Variants in AMOTL1 observed in about 807,000 individuals in gnomAD.
The protein encoded by AMOTL1 is angiomotin-like protein 1.
In AMOTL1, 45 loss-of-function variants were observed where a neutral mutation model predicts 102.9. The ratio of observed to expected loss-of-function variants is 0.44; its 90% CI spans 0.34 to 0.56. AMOTL1 has a LOEUF of 0.56. Ranked by LOEUF, AMOTL1 falls within the 20% of genes least tolerant of loss-of-function variation. AMOTL1 has a pLI of 0.01. For synonymous variants in AMOTL1, 481 were observed against 484.7 expected (o/e 0.99, Z 0.10); for missense variants, 1,114 against 1,225.6 (o/e 0.91, Z 1.36).
chr11:94,720,238 A>C (rs2135442239), intron 1 of AMOTL1, among the ~76,000 whole-genome samples: 1 of 152,226 alleles, frequency 6.6e-6, no homozygotes, highest in South Asian at 2.1e-4. Context: ...TGTGGAAGGC[A>C]ATTGTGTTGA....
At chr11:94,725,544 G>C (rs1310126925) in intron 1 of AMOTL1, among the ~76,000 whole-genome samples, 3 of 152,122 alleles carry the variant, frequency 2.0e-5, no homozygotes, top group Admixed American at 1.3e-4. Flanking sequence ...ACTCTCAAGT[G>C]CATAACTATG....
intron 1 of AMOTL1, among the ~76,000 whole-genome samples, chr11:94,776,308 C>T (rs1951025095): frequency 6.6e-6 from 1 of 152,226 alleles, no homozygotes; most frequent in Non-Finnish European, 1.5e-5. Context: ...TTAGGTCCTG[C>T]AGTTGACCTC....
rs963690673 is a variant in AMOTL1, at chr11:94,876,174, G to A, written c.*5379G>A. Reference sequence around the variant, plus strand: ...CACCTGTAAGTATTTATTACAAAACGGAATGTAAGCAAATATATCCACATT... The same window carrying A: ...CACCTGTAAGTATTTATTACAAAACAGAATGTAAGCAAATATATCCACATT... On this transcript the variant is annotated 3_prime_UTR_variant, in exon 13 of 13. Coordinates refer to ENST00000433060, the MANE Select transcript of AMOTL1 (RefSeq NM_130847.3). The A allele has an allele frequency of 4.6e-5, 7 of 152,614 alleles. No individual in the cohort carries two copies. Among genetic ancestry groups the A allele is most frequent in the African/African-American group, 7.2e-5 (3 of 41,430 alleles). The allele number at this position is 152,614 out of a possible 1,614,324, so 9.5% of individuals were successfully genotyped here.
Position 94,830,120 on chromosome 11 carries a change from C to T in AMOTL1, c.1484C>T (p.Ser495Leu), listed in dbSNP as rs1254016891. 5.6e-6 allele frequency: 9 copies of T among 1,610,658 alleles called. No homozygotes were observed. The highest frequency in any genetic ancestry group is 2.2e-5 in the East Asian group (1 of 44,834). ...GTCAAGTCTACCACCAAGCGAGAAT[C>T]GCTGGACAAGGCCATGAGAAACAAA... ...SLVKSTTKRE[S>L]LDKAMRNKLE... The change falls in exon 5 of 13, where the codon TCG becomes TTG. Residue 495 changes from serine (S) to leucine (L), a missense_variant. By Grantham distance (145) the Ser-to-Leu change is moderately radical. Coordinates refer to ENST00000433060, the MANE Select transcript of AMOTL1 (RefSeq NM_130847.3).
chr11:94,711,937 T>A (rs781739307), intron 1 of AMOTL1, among the ~76,000 whole-genome samples: 5 of 152,128 alleles, frequency 3.3e-5, no homozygotes, highest in Admixed American at 1.3e-4. Flanking sequence ...AACATAAATT[T>A]TCATTTATTT....
chr11:94,855,525 A>C (rs1370179939), intron 8 of AMOTL1, among the ~76,000 whole-genome samples: 4 of 152,200 alleles, frequency 2.6e-5, no homozygotes, highest in African/African-American at 9.7e-5. Flanking sequence ...ACTGGCCCAC[A>C]GTAGACACTG....
chr11:94,738,562 T>C (rs1000376979), intron 2 of AMOTL1, among the ~76,000 whole-genome samples: 3 of 152,174 alleles, frequency 2.0e-5, no homozygotes, highest in Non-Finnish European at 4.4e-5. Context: ...CCAGCCAATT[T>C]TGTGCTTCTT....
chr11:94,876,314 A>T lies in AMOTL1; in HGVS notation c.*5519A>T, dbSNP rs1172636160. Reference sequence around the variant, plus strand: ...AGAATTGTGTAAAATTCTGTGAAACAGTGGTAAGCATGGGCACCCGATTTC... The same window carrying T: ...AGAATTGTGTAAAATTCTGTGAAACTGTGGTAAGCATGGGCACCCGATTTC... On this transcript the variant is annotated 3_prime_UTR_variant, in exon 13 of 13. Coordinates refer to ENST00000433060, the MANE Select transcript of AMOTL1 (RefSeq NM_130847.3). The T allele has an allele frequency of 6.6e-6, 1 of 152,594 alleles. No homozygotes were observed. The highest frequency in any genetic ancestry group is 1.5e-5 in the Non-Finnish European group (1 of 68,028). 9.5% of individuals were successfully genotyped at this position (152,594 alleles called of 1,614,324 possible).
At chr11:94,751,786 ACACACACACACACACGTGCACACACG>A in intron 3 of AMOTL1, among the ~76,000 whole-genome samples, 1 of 151,588 alleles carries the variant, frequency 6.6e-6, no homozygotes, top group South Asian at 2.1e-4. Flanking sequence ...CAGCACACAC[ACACACACACACACACGTGCACACACG>A]CACACACACA....
chr11:94,799,186 G>A lies in AMOTL1; in HGVS notation c.200-204G>A, dbSNP rs1204822598. 6.6e-6 allele frequency among the ~76,000 whole-genome samples: 1 copy of A among 152,124 alleles called. No homozygotes were observed. The highest frequency in any genetic ancestry group is 1.5e-5 in the Non-Finnish European group (1 of 68,014). ...ACAATGTTTAAGAGGAAGCAGAGGA[G>A]AGGGAGTGCAGAATAGTAGACTCGC... On this transcript the variant is annotated intron_variant, in intron 2 of 12. Transcript: ENST00000433060. This position sits in a 1 kb window ranked among gnomAD's most constrained non-coding sequence, Gnocchi z 4.5.
chr11:94,769,465 C>A (rs955203986), intron 1 of AMOTL1, among the ~76,000 whole-genome samples: 2 of 152,196 alleles, frequency 1.3e-5, no homozygotes, highest in Non-Finnish European at 2.9e-5. Flanking sequence ...GCGACGTGTC[C>A]AAGTTTCCCC....
chr11:94,864,915 T>G lies in AMOTL1; in HGVS notation c.2261+55T>G, dbSNP rs2135737052. 1.9e-6 allele frequency: 3 copies of G among 1,570,984 alleles called. No homozygotes were observed. In the Admixed American group the frequency reaches 5.2e-5, roughly 27 times the overall value. ...GCCCGCTGCATTCACACTCCAGGCCTTCCAGAACAGATTGCTTCTCTGTCC... is the reference window on the plus strand; with the variant it reads ...GCCCGCTGCATTCACACTCCAGGCCGTCCAGAACAGATTGCTTCTCTGTCC... On this transcript the variant is annotated intron_variant, in intron 10 of 12. Coordinates refer to ENST00000433060, the MANE Select transcript of AMOTL1 (RefSeq NM_130847.3).
At chr11:94,795,395 T>C (rs1951349182) in intron 2 of AMOTL1, among the ~76,000 whole-genome samples, 1 of 152,228 alleles carries the variant, frequency 6.6e-6, no homozygotes, top group Non-Finnish European at 1.5e-5. Flanking sequence ...TACCTAAACA[T>C]GTAGGAACTT....
chr11:94,746,782 G>C (rs899531686), intron 3 of AMOTL1, among the ~76,000 whole-genome samples: 1 of 146,296 alleles, frequency 6.8e-6, no homozygotes, highest in Non-Finnish European at 1.5e-5. Context: ...TGTTTGCTTG[G>C]GTTTAATCAC....
At chr11:94,756,054 C>A (rs111654716) in intron 3 of AMOTL1, among the ~76,000 whole-genome samples, 1 of 151,926 alleles carries the variant, frequency 6.6e-6, no homozygotes, top group Non-Finnish European at 1.5e-5. Context: ...TGTGACCTTC[C>A]GCTGGAGTCA....
intron 6 of AMOTL1, among the ~76,000 whole-genome samples, chr11:94,832,990 T>C (rs1229403864): frequency 6.6e-6 from 1 of 152,258 alleles, no homozygotes; most frequent in Non-Finnish European, 1.5e-5. Context: ...TAGGGTTTAG[T>C]GCTGTGTGAA....
At chr11:94,816,661 G>C (rs150987196) in intron 3 of AMOTL1, among the ~76,000 whole-genome samples, 4 of 151,740 alleles carry the variant, frequency 2.6e-5, no homozygotes, top group African/African-American at 9.7e-5. Flanking sequence ...TCTATATTTT[G>C]CTTTTAAAGT....
intron 1 of AMOTL1, among the ~76,000 whole-genome samples, chr11:94,783,127 C>T (rs915267441): frequency 1.3e-5 from 2 of 152,200 alleles, no homozygotes; most frequent in Non-Finnish European, 2.9e-5. Context: ...AAGCCATAGA[C>T]TCTAGAGCCA....
intron 1 of AMOTL1, among the ~76,000 whole-genome samples, chr11:94,716,643 G>A (rs1254273574): frequency 3.9e-5 from 6 of 152,054 alleles, no homozygotes; most frequent in South Asian, 2.1e-4. Context: ...CAGGTGCCTC[G>A]TGGGCTGTTT....
Sources: gnomAD v4.1 joint callset for allele counts (sites outside exome capture counted in the v4.1 genomes callset) on GRCh38, gnomAD v4.1.1 for gene constraint, Gnocchi (gnomAD v3.1) non-coding constraint, MANE v1.5 for transcripts, NCBI Gene and HGNC (gene_info 2026-07-23, HGNC 2026-07-21) for gene names.